The following CCDC50 variants were observed in gnomAD, a reference collection of about 807,000 sequenced individuals.
The protein encoded by CCDC50 is coiled-coil domain containing 50.
In CCDC50, 54 loss-of-function variants were observed where a neutral mutation model predicts 70.2. That is an observed-to-expected ratio of 0.77 (90% CI 0.62 to 0.96). The LOEUF (loss-of-function observed/expected upper bound fraction) is 0.96, where lower values mean the gene tolerates loss of function less well. Ranked by LOEUF, CCDC50 falls within the 50% of genes least tolerant of loss-of-function variation. The probability of loss-of-function intolerance (pLI) is 0.00; values close to 1 mark genes in which losing one functional copy is unlikely to be tolerated. For synonymous variants in CCDC50, 216 were observed against 198.8 expected (o/e 1.09, Z -0.73); for missense variants, 558 against 578.7 (o/e 0.96, Z 0.37).
intron 11 of CCDC50, among the ~76,000 whole-genome samples, chr3:191,389,913 T>A (rs1175366186): frequency 5.2e-5 from 7 of 135,402 alleles, no homozygotes; most frequent in African/African-American, 2.0e-4. Flanking sequence ...CAGGCTGGAA[T>A]GCAGTGGCAT....
At chr3:191,354,566 A>C (rs1183639316) in intron 1 of CCDC50, among the ~76,000 whole-genome samples, 2 of 152,210 alleles carry the variant, frequency 1.3e-5, no homozygotes, top group African/African-American at 4.8e-5. Context: ...GTTCTGACCT[A>C]ATAACATAAA....
chr3:191,373,241 A>G (rs969852148), intron 5 of CCDC50, among the ~76,000 whole-genome samples: 7 of 152,140 alleles, frequency 4.6e-5, no homozygotes, highest in Non-Finnish European at 7.4e-5. Flanking sequence ...GCATTCAGAT[A>G]GATTCCTCAC....
At chr3:191,385,718 A>T (rs1713469319) in intron 10 of CCDC50, among the ~76,000 whole-genome samples, 1 of 151,794 alleles carries the variant, frequency 6.6e-6, no homozygotes, top group Non-Finnish European at 1.5e-5. Context: ...TTCTTAAATT[A>T]TTTGCCTTGG....
At chr3:191,365,331 T>TA (rs1712645231) in intron 4 of CCDC50, among the ~76,000 whole-genome samples, 1 of 151,742 alleles carries the variant, frequency 6.6e-6, no homozygotes, top group Non-Finnish European at 1.5e-5. Flanking sequence ...ATAGCACTCT[T>TA]TAAAAAGATT....
At chr3:191,355,984 C>T (rs1006588220) in intron 1 of CCDC50, among the ~76,000 whole-genome samples, 1 of 152,138 alleles carries the variant, frequency 6.6e-6, no homozygotes. Flanking sequence ...GGCAAAGGAA[C>T]GTTTTTCATT....
At chr3:191,353,507 A>C (rs1712172151) in intron 1 of CCDC50, among the ~76,000 whole-genome samples, 1 of 141,308 alleles carries the variant, frequency 7.1e-6, no homozygotes, top group African/African-American at 2.5e-5. Flanking sequence ...TGCTGTTTAC[A>C]TCGAAGGCAG....
chr3:191,355,539 C>T (rs1354663869), intron 1 of CCDC50, among the ~76,000 whole-genome samples: 1 of 152,144 alleles, frequency 6.6e-6, no homozygotes, highest in Non-Finnish European at 1.5e-5. Context: ...GATGTTGACC[C>T]CCAAGCCCTG....
intron 10 of CCDC50, among the ~76,000 whole-genome samples, chr3:191,387,377 TAATAC>T (rs1445141342): frequency 1.3e-5 from 2 of 152,164 alleles, no homozygotes; most frequent in African/African-American, 4.8e-5. Flanking sequence ...CAGGCAGTCT[TAATAC>T]AATAAAACTG....
chr3:191,376,265 T>C (rs945083943), intron 6 of CCDC50, among the ~76,000 whole-genome samples: 1 of 152,186 alleles, frequency 6.6e-6, no homozygotes, highest in African/African-American at 2.4e-5. Context: ...TTGCATTAAG[T>C]TACTTTTTAT....
rs1468393823 is a variant in CCDC50, at chr3:191,393,850, GT to G, written c.*2097del. ...GTGATTTCGCTTCGTGTCCTTCAAA[GT>G]TTTTTTATTGTAATTTTAAAGGAAA... On this transcript the variant is annotated 3_prime_UTR_variant, in exon 12 of 12. Coordinates refer to ENST00000392455, the MANE Select transcript of CCDC50 (RefSeq NM_178335.3). 4 of 151,758 alleles carry G rather than the reference GT, an allele frequency of 2.6e-5. No homozygotes were observed. The highest frequency in any genetic ancestry group is 2.4e-5 in the African/African-American group (1 of 41,294). 9.4% of individuals were successfully genotyped at this position (151,758 alleles called of 1,614,324 possible).
chr3:191,334,703 C>T (rs1412743486), intron 1 of CCDC50, among the ~76,000 whole-genome samples: 2 of 152,072 alleles, frequency 1.3e-5, no homozygotes, highest in Non-Finnish European at 2.9e-5. Context: ...TTCCTCCTTC[C>T]CTCTCTTCCC....
intron 1 of CCDC50, among the ~76,000 whole-genome samples, chr3:191,342,914 C>T (rs111275322): frequency 1.3e-5 from 2 of 152,310 alleles, no homozygotes; most frequent in African/African-American, 4.8e-5. Flanking sequence ...CGTAGAATGT[C>T]TGACTACCTC....
intron 1 of CCDC50, 54 bp downstream of exon 1, chr3:191,329,777 TTC>T (rs1717887381): frequency 1.3e-6 from 2 of 1,570,930 alleles, no homozygotes; most frequent in Admixed American, 3.7e-5. Context: ...CAGCCCGAGG[TTC>T]TCTCAGGTCA....
chr3:191,341,506 C>G (rs555998392), intron 1 of CCDC50, among the ~76,000 whole-genome samples: 126 of 152,278 alleles, frequency 8.3e-4, no homozygotes, highest in African/African-American at 2.9e-3. Flanking sequence ...AAATTCAAAA[C>G]AGATCCAGGT....
At chr3:191,390,522 A>G (rs1174783571) in intron 11 of CCDC50, among the ~76,000 whole-genome samples, 1 of 152,020 alleles carries the variant, frequency 6.6e-6, no homozygotes. Flanking sequence ...TTTTCTGGGA[A>G]AGGGGTGGGC....
At chr3:191,370,355 C>A (rs1321927853) in intron 5 of CCDC50, 1 of 294,124 alleles carries the variant, frequency 3.4e-6, no homozygotes, top group Admixed American at 4.9e-5. Flanking sequence ...CTAATGCTAT[C>A]CCTCCCCCCT....
chr3:191,334,513 A>G (rs547689966), intron 1 of CCDC50, among the ~76,000 whole-genome samples: 3 of 152,264 alleles, frequency 2.0e-5, no homozygotes, highest in African/African-American at 7.2e-5. Context: ...CAACTTCCTT[A>G]TTTTCCAGAT....
At chr3:191,375,685 C>A (rs1713089669) in intron 6 of CCDC50, 96 bp downstream of exon 6, 2 of 1,271,354 alleles carry the variant, frequency 1.6e-6, no homozygotes, top group Non-Finnish European at 2.2e-6. Context: ...TTCTTTCTCT[C>A]TAGTTCATGC....
chr3:191,338,109 T>C (rs1230093533), intron 1 of CCDC50, among the ~76,000 whole-genome samples: 2 of 152,212 alleles, frequency 1.3e-5, no homozygotes, highest in African/African-American at 4.8e-5. Flanking sequence ...TTTAACTGCA[T>C]ATAGTAAAAC....
Sources: gnomAD v4.1 joint callset for allele counts (sites outside exome capture counted in the v4.1 genomes callset) on GRCh38, gnomAD v4.1.1 for gene constraint, MANE v1.5 for transcripts, NCBI Gene and HGNC (gene_info 2026-07-23, HGNC 2026-07-21) for gene names.